ARNT2: variants seen among roughly 807,000 people sequenced by gnomAD.
ARNT2 encodes the protein ARNT protein 2.
A neutral mutation model predicts 91.7 loss-of-function variants in ARNT2; 36 were observed. The observed-to-expected ratio is 0.39, with a 90% CI of 0.30 to 0.52. ARNT2 has a LOEUF of 0.52. Among genes scored for constraint, ARNT2 ranks in the 20% least tolerant of loss-of-function variants. The pLI is 0.72. For synonymous variants in ARNT2, 365 were observed against 347.1 expected, an observed-to-expected ratio of 1.05 and a Z score of -0.57; for missense variants, 775 against 939.3, an observed-to-expected ratio of 0.83 and a Z score of 2.29.
At chr15:80,565,750 T>G (rs1043481683) in intron 12 of ARNT2, among the ~76,000 whole-genome samples, 3 of 152,326 alleles carry the variant, frequency 2.0e-5, no homozygotes, top group Non-Finnish European at 2.9e-5. Context: ...CATTGATTTG[T>G]TTAAATTCCT....
chr15:80,468,848 T>C (rs780334575), intron 3 of ARNT2, among the ~76,000 whole-genome samples: 1 of 152,206 alleles, frequency 6.6e-6, no homozygotes, highest in Non-Finnish European at 1.5e-5. Context: ...GGTGGATGGC[T>C]CAGGTCGCTC....
intron 5 of ARNT2, among the ~76,000 whole-genome samples, chr15:80,476,057 T>C (rs1896798731): frequency 6.6e-6 from 1 of 152,206 alleles, no homozygotes; most frequent in South Asian, 2.1e-4. Context: ...CTATTATAAA[T>C]GGTAGCACAG....
chr15:80,546,048 C>T (rs959272282), intron 8 of ARNT2, among the ~76,000 whole-genome samples: 5 of 152,280 alleles, frequency 3.3e-5, no homozygotes, highest in South Asian at 2.1e-4. Flanking sequence ...GATGTTACTG[C>T]TGGTAGTGCT....
chr15:80,585,792 G>A (rs1170010096), intron 17 of ARNT2, among the ~76,000 whole-genome samples: 2 of 152,186 alleles, frequency 1.3e-5, no homozygotes, highest in Admixed American at 1.3e-4. Flanking sequence ...GTGCTGAAGA[G>A]GGAGCACCCT....
chr15:80,437,463 A>C (rs1212707905), intron 1 of ARNT2, among the ~76,000 whole-genome samples: 1 of 152,162 alleles, frequency 6.6e-6, no homozygotes, highest in Non-Finnish European at 1.5e-5. Context: ...CTACTGTACT[A>C]ATCAGAAAAC....
At chr15:80,528,719 A>G (rs1011613601) in intron 8 of ARNT2, among the ~76,000 whole-genome samples, 2 of 152,120 alleles carry the variant, frequency 1.3e-5, no homozygotes. Context: ...CTCTCTCACT[A>G]TGTGATCTCT....
intron 5 of ARNT2, among the ~76,000 whole-genome samples, chr15:80,499,449 T>C (rs1481592496): frequency 2.6e-5 from 4 of 152,250 alleles, no homozygotes; most frequent in African/African-American, 9.6e-5. Context: ...AACTATTTGG[T>C]TGCAGGTGAC....
intron 1 of ARNT2, among the ~76,000 whole-genome samples, chr15:80,431,740 G>A (rs1049488389): frequency 3.3e-5 from 5 of 152,202 alleles, no homozygotes; most frequent in Non-Finnish European, 7.3e-5. Context: ...ATCCAGCAGG[G>A]ATCCTCATTA....
intron 11 of ARNT2, chr15:80,562,771 T>C (rs1898390170): frequency 3.0e-6 from 1 of 336,408 alleles, no homozygotes; most frequent in Non-Finnish European, 5.5e-6. Context: ...AGAAAAACGC[T>C]CTGGCTTGCA....
At chr15:80,493,816 A>T (rs1381251893) in intron 5 of ARNT2, among the ~76,000 whole-genome samples, 1 of 152,074 alleles carries the variant, frequency 6.6e-6, no homozygotes, top group Non-Finnish European at 1.5e-5. Context: ...GCCTGGTGGG[A>T]GATATTCGGA....
At chr15:80,548,081 A>G (rs947323439) in intron 8 of ARNT2, among the ~76,000 whole-genome samples, 1 of 152,226 alleles carries the variant, frequency 6.6e-6, no homozygotes, top group Admixed American at 6.5e-5. Context: ...GAATATACTC[A>G]GTATTCTGAA....
In ARNT2 at chr15:80,525,672, G is replaced by T. The variant is rs150125425; in HGVS notation, c.877+11267G>T. ...ATTTCCAAACAAGTTTATAGAATCT[G>T]CTTTCCCAGAAATCTTTTAAGATGG... On this transcript the variant is annotated intron_variant, in intron 8 of 18. Coordinates refer to ENST00000303329, the MANE Select transcript of ARNT2 (RefSeq NM_014862.4). Among the ~76,000 whole-genome samples, 5 of 152,278 alleles carry T rather than the reference G, an allele frequency of 3.3e-5. No individual in the cohort carries two copies. The East Asian group carries it at 9.6e-4, about 29-fold the overall frequency.
chr15:80,475,310 T>C, intron 5 of ARNT2, 87 bp downstream of exon 5: 2 of 1,378,014 alleles, frequency 1.5e-6, no homozygotes, highest in Admixed American at 3.8e-5. Context: ...ATCCCAGTAC[T>C]TTGGGAGGCT....
At chr15:80,529,897 T>C (rs1897707245) in intron 8 of ARNT2, among the ~76,000 whole-genome samples, 1 of 152,248 alleles carries the variant, frequency 6.6e-6, no homozygotes, top group Non-Finnish European at 1.5e-5. Context: ...CAAGTACACA[T>C]TTCATCTGAA....
chr15:80,423,376 A>G (rs1324862816), intron 1 of ARNT2, among the ~76,000 whole-genome samples: 1 of 152,196 alleles, frequency 6.6e-6, no homozygotes, highest in Non-Finnish European at 1.5e-5. Flanking sequence ...ACACACAGGA[A>G]TTCCTAACCC....
chr15:80,481,604 T>C (rs1040985406), intron 5 of ARNT2, among the ~76,000 whole-genome samples: 4 of 152,234 alleles, frequency 2.6e-5, no homozygotes, highest in Non-Finnish European at 4.4e-5. Flanking sequence ...CTGCAGCTAC[T>C]CAGGAGGCTG....
chr15:80,572,112 G>A (rs760829118), intron 12 of ARNT2, among the ~76,000 whole-genome samples: 13 of 151,868 alleles, frequency 8.6e-5, no homozygotes, highest in South Asian at 6.3e-4. Flanking sequence ...TTCCTCATGC[G>A]GAAAGGGAAT....
intron 8 of ARNT2, among the ~76,000 whole-genome samples, chr15:80,535,765 G>A (rs185839935): frequency 2.3e-4 from 35 of 149,018 alleles, no homozygotes; most frequent in Non-Finnish European, 3.1e-4. Context: ...AAAAGGCCCC[G>A]GACATGCTTT....
At chr15:80,427,413 G>T (rs896633950) in intron 1 of ARNT2, among the ~76,000 whole-genome samples, 3 of 152,132 alleles carry the variant, frequency 2.0e-5, no homozygotes, top group Admixed American at 1.3e-4. Context: ...TCTTGGTATG[G>T]TACCTAATAT....
Sources: gnomAD v4.1 joint callset for allele counts (sites outside exome capture counted in the v4.1 genomes callset) on GRCh38, gnomAD v4.1.1 for gene constraint, MANE v1.5 for transcripts, NCBI Gene and HGNC (gene_info 2026-07-23, HGNC 2026-07-21) for gene names.